UNC13A: variants seen among roughly 807,000 people sequenced by gnomAD.
UNC13A encodes the protein protein unc-13 homolog A.
Under a neutral mutation model 219.7 loss-of-function variants are expected in UNC13A, and 61 were observed. The ratio of observed to expected loss-of-function variants is 0.28; its 90% confidence interval spans 0.23 to 0.34. The LOEUF (loss-of-function observed/expected upper bound fraction) is 0.34, where lower values mean the gene tolerates loss of function less well. Among genes scored for constraint, UNC13A ranks in the 10% least tolerant of loss-of-function variants. UNC13A has a pLI of 1.00. For synonymous variants in UNC13A, 920 were observed against 884.6 expected (o/e 1.04, Z -0.71); for missense variants, 1,476 against 2,270.3 (o/e 0.65, Z 7.11).
chr19:17,622,007 G>GTGTGTT, intron 36 of UNC13A, 137 bp from the exon 37 acceptor site: 1 of 806,570 alleles, frequency 1.2e-6, no homozygotes, highest in Non-Finnish European at 2.1e-6. Flanking sequence ...CATGGGGATA[G>GTGTGTT]TGTGTTTGTG....
chr19:17,686,611 G>A (rs1387546924), intron 1 of UNC13A, among the ~76,000 whole-genome samples: 1 of 151,956 alleles, frequency 6.6e-6, no homozygotes, highest in Non-Finnish European at 1.5e-5. Flanking sequence ...CTGGAGGCTA[G>A]GGGATGGAGG....
intron 10 of UNC13A, 22 bp downstream of exon 10, chr19:17,655,860 GC>G (rs749198757): frequency 2.7e-6 from 4 of 1,499,192 alleles, no homozygotes; most frequent in African/African-American, 2.8e-5. Flanking sequence ...AGCCCCTCTG[GC>G]CCCTTGGCCC....
chr19:17,627,943 G>A lies in UNC13A; in HGVS notation c.3754-3C>T, dbSNP rs774504816. 7.6e-6 allele frequency: 12 copies of A among 1,589,208 alleles called. No individual in the cohort carries two copies. The highest frequency in any genetic ancestry group is 1.0e-5 in the Non-Finnish European group (12 of 1,165,648). On this transcript the variant is annotated splice_region_variant and splice_polypyrimidine_tract_variant and intron_variant, in intron 31 of 43. Coordinates refer to ENST00000519716, the MANE Select transcript of UNC13A (RefSeq NM_001080421.3). This position sits in a 1 kb window ranked among gnomAD's most constrained non-coding sequence, Gnocchi z 4.7. ...GTGTTATTCATGAGAATGCAGGGCTGTGGGTGGGAACAGAGAGGGGAGTCA... is the reference window on the plus strand; with the variant it reads ...GTGTTATTCATGAGAATGCAGGGCTATGGGTGGGAACAGAGAGGGGAGTCA...
chr19:17,604,808 T>G lies in UNC13A; in HGVS notation c.*1246A>C, dbSNP rs1382445139. On this transcript the variant is annotated 3_prime_UTR_variant, in exon 44 of 44. Transcript: ENST00000519716. ...GTATCCTGTGGCTTGGGTGTTTGAATCAATGAATAGGCTCTTGGAGACTAA... is the reference window on the plus strand; with the variant it reads ...GTATCCTGTGGCTTGGGTGTTTGAAGCAATGAATAGGCTCTTGGAGACTAA... 4 of 152,270 alleles carry G rather than the reference T, an allele frequency of 2.6e-5. No individual in the cohort carries two copies. Among genetic ancestry groups the G allele is most frequent in the Non-Finnish European group, 5.9e-5 (4 of 68,070 alleles). The allele number at this position is 152,270 out of a possible 1,614,324, so 9.4% of individuals were successfully genotyped here.
Position 17,606,094 on chromosome 19 carries a change from G to A in UNC13A, c.5072C>T (p.Thr1691Met), listed in dbSNP as rs372458664. Residue 1691 changes from threonine to methionine, a missense_variant, in exon 44 of 44, where the codon ACG (threonine) becomes ATG (methionine). Physicochemically the swap from Thr to Met is moderately conservative, Grantham distance 81 (BLOSUM62 -1). This residue lies in a region of UNC13A where 187 missense variants were observed against 172.3 expected (regional missense o/e 1.09). Coordinates refer to ENST00000519716, the MANE Select transcript of UNC13A (RefSeq NM_001080421.3). ...AKEFVKLKSDTRSAEEGGAAP... is the reference protein window; with the variant it reads ...AKEFVKLKSDMRSAEEGGAAP... Reference sequence around the variant, plus strand: ...GGCACCGCCCTCCTCGGCGGAGCGCGTGTCCGACTTGAGCTTCACGAACTC... The same window carrying A: ...GGCACCGCCCTCCTCGGCGGAGCGCATGTCCGACTTGAGCTTCACGAACTC... The A allele has an allele frequency of 1.3e-6, 2 of 1,591,414 alleles. No individual in the cohort carries two copies. The highest frequency in any genetic ancestry group is 8.5e-7 in the Non-Finnish European group (1 of 1,171,816).
At chr19:17,664,233 G>A (rs2079602840) in intron 7 of UNC13A, among the ~76,000 whole-genome samples, 1 of 152,094 alleles carries the variant, frequency 6.6e-6, no homozygotes, top group Non-Finnish European at 1.5e-5. Context: ...CCAGCTCTTG[G>A]ATAAGGAAAG....
At position 17,636,006 on chromosome 19, in the gene UNC13A, C is replaced by T; in HGVS notation, c.3215+18G>A. 2.5e-6 allele frequency: 4 copies of T among 1,601,808 alleles called. No individual in the cohort carries two copies. Among genetic ancestry groups the T allele is most frequent in the Middle Eastern group, 1.7e-4 (1 of 6,030 alleles). On this transcript the variant is annotated intron_variant, in intron 26 of 43. Coordinates refer to ENST00000519716, the MANE Select transcript of UNC13A (RefSeq NM_001080421.3). Reference sequence around the variant, plus strand: ...ACGATGACACCCAGATAATTAACTACACAGATACACAACTCACTGGTTGAG... The same window carrying T: ...ACGATGACACCCAGATAATTAACTATACAGATACACAACTCACTGGTTGAG...
Position 17,647,362 on chromosome 19 carries a change from G to A in UNC13A, c.1947C>T (p.Phe649=), listed in dbSNP as rs1186353132. 3 of 1,613,490 alleles carry A rather than the reference G, an allele frequency of 1.9e-6. No homozygotes were observed. The highest frequency in any genetic ancestry group is 2.2e-5 in the South Asian group (2 of 91,082). ...GCGTGTGCGCCGTCTTGGTCACCGCGAAGATCTCCTGGATGAGCTCGAAGA... is the reference window on the plus strand; with the variant it reads ...GCGTGTGCGCCGTCTTGGTCACCGCAAAGATCTCCTGGATGAGCTCGAAGA... ...PEIFELIQEI[F]AVTKTAHTQQ... The change falls in exon 17 of 44, where the codon TTC becomes TTT. Residue 649 remains phenylalanine (F), a synonymous_variant. Transcript: ENST00000519716.
chr19:17,642,926 G>A lies in UNC13A; in HGVS notation c.2391C>T (p.Ala797=). The change falls in exon 20 of 44, where the codon GCC becomes GCT. Residue 797 remains alanine (A), a synonymous_variant. Transcript: ENST00000519716. ...KRTDKSAVSG[A]IRLHISVEIK... ...TCTCCACACTGATGTGGAGCCGGAT[G>A]GCACCCGACACGGCAGATTTGTCAG... 6.2e-7 allele frequency: 1 copy of A among 1,609,758 alleles called. No homozygotes were observed. The highest frequency in any genetic ancestry group is 8.5e-7 in the Non-Finnish European group (1 of 1,178,064).
chr19:17,639,592 C>A, intron 23 of UNC13A, 67 bp from the exon 24 acceptor site: 1 of 1,523,654 alleles, frequency 6.6e-7, no homozygotes, highest in South Asian at 1.2e-5. Context: ...GACTGCTTTT[C>A]AGGGGGATAC....
rs1218232649 is a variant in UNC13A, at chr19:17,656,008, G to C, written c.1158C>G (p.Asp386Glu). Residue 386 changes from aspartate (D) to glutamate (E), a missense_variant, in exon 10 of 44, where the codon GAC becomes GAG. By Grantham distance (45) the Asp-to-Glu change is conservative. Transcript: ENST00000519716. ...SLPPAAPGKE[D>E]KAPVAPTEAP... The stretch of plus-strand genomic sequence containing the variant: ...CCTCGGTGGGTGCCACTGGGGCCTT[G>C]TCCTCCTTCCCTGGGGCAGCTGGCG... The C allele has an allele frequency of 1.3e-6, 2 of 1,581,096 alleles. No individual in the cohort carries two copies. Among genetic ancestry groups the C allele is most frequent in the East Asian group, 4.6e-5 (2 of 43,830 alleles).
At position 17,602,247 on chromosome 19, in the gene UNC13A, G is replaced by A. The variant is rs73922141; in HGVS notation, c.*3807C>T. 0.059 allele frequency: 9,021 copies of A among 152,712 alleles called. 316 individuals carry two copies. The highest frequency in any genetic ancestry group is 0.12 in the Middle Eastern group (35 of 296). The allele number at this position is 152,712 out of a possible 1,614,324, so 9.5% of individuals were successfully genotyped here. ...TCAGGACACCCTCTTTACTTCCCCC[G>A]ACACTCCCTGCCTTGGTCTCTGCAT... On this transcript the variant is annotated 3_prime_UTR_variant, in exon 44 of 44. Transcript: ENST00000519716.
intron 3 of UNC13A, among the ~76,000 whole-genome samples, chr19:17,673,834 A>G (rs2079843103): frequency 6.6e-6 from 1 of 151,976 alleles, no homozygotes; most frequent in South Asian, 2.1e-4. Flanking sequence ...ACCATAGTGA[A>G]ACACCATCTC....
At chr19:17,648,358 G>GC in intron 16 of UNC13A, 73 bp downstream of exon 16, 1 of 996,554 alleles carries the variant, frequency 1.0e-6, no homozygotes, top group Non-Finnish European at 1.2e-6. Flanking sequence ...TTGCCCTTCA[G>GC]CCTTTCCCCG....
At chr19:17,647,576 T>C in intron 16 of UNC13A, 84 bp from the exon 17 acceptor site, 1 of 1,359,276 alleles carries the variant, frequency 7.4e-7, no homozygotes, top group Non-Finnish European at 1.0e-6. Context: ...CCCCTACTCA[T>C]CAACCGGGGG....
At chr19:17,676,158 G>T in intron 1 of UNC13A, 117 bp from the exon 2 acceptor site, 1 of 1,091,068 alleles carries the variant, frequency 9.2e-7, no homozygotes, top group Non-Finnish European at 1.4e-6. Flanking sequence ...GAGAGACACA[G>T]AGGAGAGACA....
intron 31 of UNC13A, chr19:17,628,302 CACTGAA>C: frequency 3.4e-6 from 1 of 290,048 alleles, no homozygotes. Context: ...GACAGTGACA[CACTGAA>C]GGCGTGTGCC....
chr19:17,624,122 C>CTTTT lies in UNC13A; in HGVS notation c.4198-579_4198-576dup, dbSNP rs762349924. ...AAACCCATTGATGTCTATGCCTTCT[C>CTTTT]TTTTTTTTTTTTGTTTTTTTGAGAA... On this transcript the variant is annotated intron_variant, in intron 35 of 43. Transcript: ENST00000519716. Among the ~76,000 whole-genome samples, 27 of 136,462 alleles carry CTTTT rather than the reference C, an allele frequency of 2.0e-4. 2 individuals are homozygous for CTTTT. The highest frequency in any genetic ancestry group is 3.7e-4 in the Admixed American group (5 of 13,392). 89.5% of individuals were successfully genotyped at this position (136,462 alleles called of 152,430 possible).
rs111321785 is a variant in UNC13A, at chr19:17,627,470, T to C, written c.3920+39A>G. 50 of 1,499,864 alleles carry C rather than the reference T, an allele frequency of 3.3e-5. No homozygotes were observed. The African/African-American group carries it at 3.9e-4, about 12-fold the overall frequency. The allele number at this position is 1,499,864 out of a possible 1,614,324, so 92.9% of individuals were successfully genotyped here. On this transcript the variant is annotated intron_variant, in intron 33 of 43. Transcript: ENST00000519716. The surrounding 1 kb of genome is among the most constrained non-coding windows in gnomAD (Gnocchi z 4.7). ...CCCAGGCTTAGAGGGCTGAAGGCTG[T>C]TCCCTCCCCACTGCCCCCAGCCCTG...
Sources: allele counts gnomAD v4.1 joint callset (sites outside exome capture counted in the v4.1 genomes callset), GRCh38; gene constraint gnomAD v4.1.1; regional missense constraint gnomAD v4.1.1; non-coding constraint Gnocchi (gnomAD v3.1); transcripts MANE v1.5; gene names NCBI Gene and HGNC (gene_info 2026-07-23, HGNC 2026-07-21).